The following PKD1L3 variants were observed in gnomAD, a reference collection of about 807,000 sequenced individuals.
The protein encoded by PKD1L3 is polycystin 1 like 3, transient receptor potential channel interacting.
A neutral mutation model predicts 184.1 loss-of-function variants in PKD1L3; 239 were observed. That is an observed-to-expected ratio of 1.30 (90% CI 1.17 to 1.45). The LOEUF (loss-of-function observed/expected upper bound fraction) is 1.45, where lower values mean the gene tolerates loss of function less well. Ranked by LOEUF, PKD1L3 falls within the 40% of genes most tolerant of loss-of-function variation. The probability of loss-of-function intolerance (pLI) is 0.00; values close to 1 mark genes in which losing one functional copy is unlikely to be tolerated. For missense variants in PKD1L3, 2,660 were observed against 2,067.2 expected, an observed-to-expected ratio of 1.29 and a Z score of -5.56; for synonymous variants, 996 against 778.8, an observed-to-expected ratio of 1.28 and a Z score of -4.64.
Position 71,942,900 on chromosome 16 carries a change from A to G in PKD1L3, c.3984T>C (p.Leu1328=). The change falls in exon 24 of 30, where the codon CTT becomes CTC. Residue 1328 remains leucine (L), a synonymous_variant. Transcript: ENST00000620267. Reference sequence around the variant, plus strand: ...GATTGGCCCAGGGGTAGAAATCCTGAAGAAGTTTGATTTCCGAGAACTGGT... The same window carrying G: ...GATTGGCCCAGGGGTAGAAATCCTGGAGAAGTTTGATTTCCGAGAACTGGT... The part of the protein sequence containing the change: ...FSHQFSEIKL[L]QDFYPWANHI... 1 of 1,551,526 alleles carries G rather than the reference A, an allele frequency of 6.4e-7. No individual in the cohort carries two copies. Among genetic ancestry groups the G allele is most frequent in the Non-Finnish European group, 8.7e-7 (1 of 1,146,868 alleles).
At chr16:71,961,566 C>CA (rs35006449) in intron 16 of PKD1L3, among the ~76,000 whole-genome samples, 71,108 of 151,828 alleles carry the variant, frequency 0.47, 17,366 homozygotes, top group South Asian at 0.57. Context: ...AGAAGCCATA[C>CA]ATAGGTGCTT....
At position 71,977,288 on chromosome 16, in the gene PKD1L3, G is replaced by A. The variant is rs1597352889; in HGVS notation, c.1707C>T (p.Cys569=). 3 of 1,540,704 alleles carry A rather than the reference G, an allele frequency of 1.9e-6. No individual in the cohort carries two copies. The highest frequency in any genetic ancestry group is 2.6e-6 in the Non-Finnish European group (3 of 1,137,054). Residue 569 remains cysteine (C), a synonymous_variant, in exon 11 of 30, where the codon TGC becomes TGT. Coordinates refer to ENST00000620267, the MANE Select transcript of PKD1L3 (RefSeq NM_181536.2). ...LYLGFQYQPN[C]THFHLNITLP... ...GGGTGATGTTCAGGTGGAAGTGAGT[G>A]CAGTTAGGCTGATACTGGAACCCCA...
rs1294479366 is a variant in PKD1L3 at position 71,945,192 on chromosome 16, G to A, written c.3719-1022C>T. Reference sequence around the variant, plus strand: ...TATAGTGGTATTCTCAGATTTTAATGTGCATAGGAATCATCTGGGAATTTT... The same window carrying A: ...TATAGTGGTATTCTCAGATTTTAATATGCATAGGAATCATCTGGGAATTTT... On this transcript the variant is annotated intron_variant, in intron 22 of 29. Coordinates refer to ENST00000620267, the MANE Select transcript of PKD1L3 (RefSeq NM_181536.2). Among the ~76,000 whole-genome samples, 8 of 143,182 alleles carry A rather than the reference G, an allele frequency of 5.6e-5. No homozygotes were observed. In the East Asian group the frequency reaches 1.4e-3, roughly 26 times the overall value. The allele number at this position is 143,182 out of a possible 152,430, so 93.9% of individuals were successfully genotyped here.
At position 71,973,352 on chromosome 16, in the gene PKD1L3, T is replaced by C. The variant is rs1239494266; in HGVS notation, c.1925A>G (p.Asn642Ser). 2 of 1,551,610 alleles carry C rather than the reference T, an allele frequency of 1.3e-6. No homozygotes were observed. The highest frequency in any genetic ancestry group is 1.7e-6 in the Non-Finnish European group (2 of 1,146,994). The change falls in exon 12 of 30, where the codon AAC becomes AGC. Residue 642 changes from asparagine (N) to serine (S), a missense_variant. By Grantham distance (46) the Asn-to-Ser change is conservative. Transcript: ENST00000620267. ...GCATCCGGCGCTGCTCCATGTCTGG[T>C]TGTGGATCTCCCAGTAGTAACACTG... ...VTQCYYWEIH[N>S]QTWSSAGCQV...
intron 11 of PKD1L3, among the ~76,000 whole-genome samples, chr16:71,973,812 G>A (rs543474409): frequency 6.6e-6 from 1 of 152,086 alleles, no homozygotes; most frequent in South Asian, 2.1e-4. Flanking sequence ...GACCAGCCTG[G>A]TGAACATGGT....
chr16:71,995,206 G>A (rs542837423), intron 2 of PKD1L3, among the ~76,000 whole-genome samples: 27 of 152,068 alleles, frequency 1.8e-4, no homozygotes, highest in Non-Finnish European at 3.8e-4. Context: ...CCCTCCCTCT[G>A]CCAAGTCCTT....
In PKD1L3 at chr16:71,998,366, CT is replaced by C. The variant is rs1442542420; in HGVS notation, c.323del (p.Lys108SerfsTer24). 6.4e-7 allele frequency: 1 copy of C among 1,551,552 alleles called. No individual in the cohort carries two copies. Among genetic ancestry groups the C allele is most frequent in the African/African-American group, 1.4e-5 (1 of 73,024 alleles). Reference protein sequence around the residue: ...PADVAANGPPKPLSCTYLSRN... With the variant: ...PADVAANGPPXPLSCTYLSRN... ...TGGACAGGTAGGTGCAGCTGAGGGG[CT>C]TTGGGGGCCCGTTGGCTGCAACGTC... On this transcript the variant is annotated frameshift_variant, in exon 2 of 30. Coordinates refer to ENST00000620267, the MANE Select transcript of PKD1L3 (RefSeq NM_181536.2). LOFTEE classifies it high-confidence loss of function.
rs2038407146 is a variant in PKD1L3 at position 71,942,798 on chromosome 16, C to A, written c.4086G>T (p.Gly1362=). ...GGGGTATTTGGAAAATTAATTGTAC[C>A]CCACATTTGCAATGACTGGGCTCCA... ...AVLEPSHCKC[G]VQLIFQIPRT... Residue 1362 remains glycine (G), a synonymous_variant, in exon 24 of 30, where the codon GGG becomes GGT. Transcript: ENST00000620267. The A allele has an allele frequency of 3.2e-6, 5 of 1,551,528 alleles. No homozygotes were observed. Among genetic ancestry groups the A allele is most frequent in the Non-Finnish European group, 3.5e-6 (4 of 1,146,958 alleles).
chr16:71,978,690 C>A (rs1199415607), intron 9 of PKD1L3, among the ~76,000 whole-genome samples: 1 of 151,756 alleles, frequency 6.6e-6, no homozygotes, highest in African/African-American at 2.4e-5. Context: ...CAGGTGCACA[C>A]CACCATGCCT....
chr16:71,963,425 G>C, intron 15 of PKD1L3, 74 bp from the exon 16 acceptor site: 3 of 1,386,638 alleles, frequency 2.2e-6, no homozygotes, highest in Non-Finnish European at 2.9e-6. Context: ...CGTAATCTCA[G>C]ACCATTAGTA....
At chr16:71,975,706 A>G (rs2143677735) in intron 11 of PKD1L3, among the ~76,000 whole-genome samples, 1 of 152,318 alleles carries the variant, frequency 6.6e-6, no homozygotes, top group Non-Finnish European at 1.5e-5. Context: ...CTGCTTCCTT[A>G]CATACATATC....
At chr16:71,945,626 C>T (rs899565065) in intron 22 of PKD1L3, among the ~76,000 whole-genome samples, 2 of 151,170 alleles carry the variant, frequency 1.3e-5, no homozygotes, top group African/African-American at 4.9e-5. Context: ...TGCAGTGAGC[C>T]GAGATTGTGC....
At position 71,999,890 on chromosome 16, in the gene PKD1L3, C is replaced by T. The variant is rs1212046586; in HGVS notation, c.89G>A (p.Gly30Glu). 11 of 1,551,692 alleles carry T rather than the reference C, an allele frequency of 7.1e-6. No homozygotes were observed. The highest frequency in any genetic ancestry group is 4.9e-5 in the East Asian group (2 of 40,914). The change falls in exon 1 of 30, where the codon GGG becomes GAG. Residue 30 changes from glycine to glutamate, a missense_variant. Coordinates refer to ENST00000620267, the MANE Select transcript of PKD1L3 (RefSeq NM_181536.2). ...GSELNSPAPH[G>E]QNNCYQLNRF... The stretch of plus-strand genomic sequence containing the variant: ...GTTAAGCTGGTAACAATTATTTTGC[C>T]CATGTGGTGCTGGGCTGTTTAGCTC...
chr16:71,968,570 G>A (rs1282372877), intron 13 of PKD1L3, among the ~76,000 whole-genome samples: 1 of 152,154 alleles, frequency 6.6e-6, no homozygotes, highest in Non-Finnish European at 1.5e-5. Flanking sequence ...TAAAAAACAT[G>A]CCATATAAAT....
Position 71,930,040 on chromosome 16 carries a change from T to C in PKD1L3, c.5058+12A>G. 2 of 1,544,954 alleles carry C rather than the reference T, an allele frequency of 1.3e-6. No homozygotes were observed. Among genetic ancestry groups the C allele is most frequent in the East Asian group, 2.4e-5 (1 of 40,884 alleles). On this transcript the variant is annotated intron_variant, in intron 29 of 29. Transcript: ENST00000620267. The stretch of plus-strand genomic sequence containing the variant: ...ATATAACAGCATGCTAGTTTATCTT[T>C]TAGTTACCTACCTTAAGCGACTTTC...
chr16:71,952,646 G>C (rs12930744), intron 18 of PKD1L3, among the ~76,000 whole-genome samples: 12 of 151,024 alleles, frequency 7.9e-5, no homozygotes, highest in African/African-American at 2.9e-4. Context: ...ACCAGCCTGG[G>C]TAACATGGTG....
intron 22 of PKD1L3, among the ~76,000 whole-genome samples, chr16:71,945,305 TACACACACACACACACATATATACACAC>T (rs764719687): frequency 3.4e-5 from 2 of 59,396 alleles, no homozygotes; most frequent in South Asian, 6.7e-4. Context: ...TATATATATA[TACACACACACACACACATATATACACAC>T]ACACACACAT....
chr16:71,979,771 C>G lies in PKD1L3; in HGVS notation c.1398+15G>C, dbSNP rs1490934961. 2.0e-6 allele frequency: 3 copies of G among 1,481,904 alleles called. No homozygotes were observed. Among genetic ancestry groups the G allele is most frequent in the Non-Finnish European group, 2.7e-6 (3 of 1,119,674 alleles). 91.8% of individuals were successfully genotyped at this position (1,481,904 alleles called of 1,614,324 possible). On this transcript the variant is annotated intron_variant, in intron 9 of 29. Transcript: ENST00000620267. ...ATCCCATTTTCATTCTGATCACAAT[C>G]AATTTCACACTCACTTGGACATTAA...
intron 6 of PKD1L3, among the ~76,000 whole-genome samples, chr16:71,982,724 G>A (rs536507439): frequency 6.6e-6 from 1 of 152,046 alleles, no homozygotes; most frequent in Non-Finnish European, 1.5e-5. Flanking sequence ...AGCCTCCCCA[G>A]TAGCTAGGAC....
Sources: allele counts gnomAD v4.1 joint callset (sites outside exome capture counted in the v4.1 genomes callset), GRCh38; gene constraint gnomAD v4.1.1; transcripts MANE v1.5; gene names NCBI Gene and HGNC (gene_info 2026-07-23, HGNC 2026-07-21).